FER: variants seen among roughly 807,000 people sequenced by gnomAD.
FER encodes the protein FER tyrosine kinase.
Under a neutral mutation model 111.0 loss-of-function variants are expected in FER, and 63 were observed. The ratio of observed to expected loss-of-function variants is 0.57; its 90% CI spans 0.46 to 0.70. The LOEUF is 0.70. Ranked by LOEUF, FER falls within the 30% of genes least tolerant of loss-of-function variation. FER has a pLI of 0.00. For synonymous variants in FER, 327 were observed against 313.9 expected (o/e 1.04, Z -0.44); for missense variants, 914 against 954.0 (o/e 0.96, Z 0.55).
chr5:108,748,675 C>T (rs932311345), intron 1 of FER: 1 of 152,372 alleles, frequency 6.6e-6, no homozygotes, highest in African/African-American at 2.4e-5. Context: ...TCCGCGTCTC[C>T]ACTCCCAGGG....
intron 16 of FER, among the ~76,000 whole-genome samples, chr5:109,064,714 A>G (rs777796542): frequency 2.0e-5 from 3 of 152,196 alleles, no homozygotes; most frequent in Non-Finnish European, 4.4e-5. Flanking sequence ...GGTGAGCAGG[A>G]CAAAGCATGT....
intron 16 of FER, among the ~76,000 whole-genome samples, chr5:109,053,889 C>T (rs1266173737): frequency 6.6e-6 from 1 of 151,962 alleles, no homozygotes; most frequent in Non-Finnish European, 1.5e-5. Flanking sequence ...GACGGGGTTT[C>T]ACCATGTTAG....
intron 5 of FER, among the ~76,000 whole-genome samples, chr5:108,837,059 C>T (rs1760742401): frequency 6.6e-6 from 1 of 152,106 alleles, no homozygotes; most frequent in South Asian, 2.1e-4. Context: ...TTTAAATTAT[C>T]TAAATTATTT....
At chr5:109,003,546 GC>G (rs995951769) in intron 13 of FER, among the ~76,000 whole-genome samples, 4 of 151,900 alleles carry the variant, frequency 2.6e-5, no homozygotes, top group African/African-American at 9.7e-5. Context: ...CAGCACACCA[GC>G]ATGGCACATG....
At chr5:108,916,036 T>C (rs1167305389) in intron 10 of FER, among the ~76,000 whole-genome samples, 3 of 152,172 alleles carry the variant, frequency 2.0e-5, no homozygotes, top group Admixed American at 6.5e-5. Flanking sequence ...GACTACTGAC[T>C]TGTGAACTTT....
chr5:108,799,267 T>G (rs527516028), intron 3 of FER, among the ~76,000 whole-genome samples: 6 of 152,358 alleles, frequency 3.9e-5, no homozygotes, highest in African/African-American at 1.4e-4. Context: ...GAAGAAATAT[T>G]AAACTCTAAT....
chr5:109,174,588 T>A (rs1582391627), intron 17 of FER, among the ~76,000 whole-genome samples: 1 of 152,202 alleles, frequency 6.6e-6, no homozygotes, highest in Non-Finnish European at 1.5e-5. Flanking sequence ...CTACTGTCCT[T>A]CATCAGGACA....
intron 3 of FER, among the ~76,000 whole-genome samples, chr5:108,815,273 T>A (rs1376641404): frequency 6.6e-6 from 1 of 152,192 alleles, no homozygotes; most frequent in East Asian, 1.9e-4. Flanking sequence ...GTACCTGTTA[T>A]ATTATATATT....
intron 3 of FER, among the ~76,000 whole-genome samples, chr5:108,819,011 A>T (rs1313500404): frequency 1.3e-5 from 2 of 151,906 alleles, no homozygotes; most frequent in Admixed American, 6.6e-5. Context: ...TTTAACCTAG[A>T]TAGTTATTCT....
chr5:108,826,259 T>C (rs1759459786), intron 3 of FER, among the ~76,000 whole-genome samples: 1 of 152,238 alleles, frequency 6.6e-6, no homozygotes, highest in South Asian at 2.1e-4. Flanking sequence ...TGTTGAACCA[T>C]GCTTGCATCC....
intron 13 of FER, among the ~76,000 whole-genome samples, chr5:108,997,521 T>C (rs1433414645): frequency 6.6e-6 from 1 of 152,136 alleles, no homozygotes; most frequent in African/African-American, 2.4e-5. Flanking sequence ...CTTTTCCTAA[T>C]TGAATACCCT....
intron 17 of FER, among the ~76,000 whole-genome samples, chr5:109,102,966 A>C (rs1748438209): frequency 6.6e-6 from 1 of 152,126 alleles, no homozygotes; most frequent in Admixed American, 6.6e-5. Flanking sequence ...CTTGATGTAG[A>C]GTTAAGACAT....
chr5:109,169,455 T>A (rs1301225124), intron 17 of FER, among the ~76,000 whole-genome samples: 1 of 152,046 alleles, frequency 6.6e-6, no homozygotes, highest in Non-Finnish European at 1.5e-5. Context: ...TGAAGGGAAA[T>A]TTATTATAAA....
intron 10 of FER, among the ~76,000 whole-genome samples, chr5:108,910,339 G>A (rs1168653954): frequency 6.6e-6 from 1 of 152,144 alleles, no homozygotes; most frequent in Non-Finnish European, 1.5e-5. Flanking sequence ...ACATCAGCCA[G>A]TCTGGTTATA....
At chr5:109,051,696 G>A (rs966736627) in intron 16 of FER, 173 of 1,567,932 alleles carry the variant, frequency 1.1e-4, no homozygotes, top group Non-Finnish European at 1.4e-4. Context: ...CTTTGGCGGG[G>A]CTCAGCGGGC....
chr5:108,826,513 A>C (rs1392370884), intron 3 of FER, among the ~76,000 whole-genome samples: 14 of 152,154 alleles, frequency 9.2e-5, no homozygotes, highest in African/African-American at 2.7e-4. Flanking sequence ...TCAACCTCCC[A>C]AAGTGCTGGG....
At chr5:108,912,717 G>A (rs1197455219) in intron 10 of FER, among the ~76,000 whole-genome samples, 1 of 152,086 alleles carries the variant, frequency 6.6e-6, no homozygotes, top group Non-Finnish European at 1.5e-5. Context: ...CAGACATGAC[G>A]CTATGAAAGA....
intron 2 of FER, among the ~76,000 whole-genome samples, chr5:108,769,049 A>G (rs1383024265): frequency 6.6e-6 from 1 of 151,402 alleles, no homozygotes. Context: ...CTCTTCTCAA[A>G]CTCCTGACCT....
intron 14 of FER, among the ~76,000 whole-genome samples, chr5:109,038,044 G>A (rs1414837565): frequency 6.6e-6 from 1 of 151,670 alleles, no homozygotes; most frequent in Non-Finnish European, 1.5e-5. Context: ...TATAATAAAA[G>A]TCCCTTTTCT....
Sources: gnomAD v4.1 joint callset for allele counts (sites outside exome capture counted in the v4.1 genomes callset) on GRCh38, gnomAD v4.1.1 for gene constraint, MANE v1.5 for transcripts, NCBI Gene and HGNC (gene_info 2026-07-23, HGNC 2026-07-21) for gene names.